Variants in RSU1 observed in about 807,000 individuals in gnomAD.
The protein encoded by RSU1 is rsu-1.
Under a neutral mutation model 31.1 loss-of-function variants are expected in RSU1, and 26 were observed. The ratio of observed to expected loss-of-function variants is 0.84; its 90% CI spans 0.61 to 1.16. The LOEUF is 1.16. Among genes scored for constraint, RSU1 ranks in the 50% most tolerant of loss-of-function variants. The pLI is 0.00. For synonymous variants in RSU1, 164 were observed against 136.3 expected (o/e 1.20, Z -1.41); for missense variants, 320 against 339.1 (o/e 0.94, Z 0.44).
intron 3 of RSU1, among the ~76,000 whole-genome samples, chr10:16,776,357 A>C (rs896551366): frequency 6.6e-5 from 10 of 152,218 alleles, no homozygotes; most frequent in African/African-American, 9.6e-5. Flanking sequence ...TAAAAGTATT[A>C]AATTCTATGT....
At chr10:16,711,181 A>G (rs949107110) in intron 7 of RSU1, among the ~76,000 whole-genome samples, 3 of 152,166 alleles carry the variant, frequency 2.0e-5, no homozygotes, top group Admixed American at 1.3e-4. Context: ...CTTCCATATT[A>G]TCAAATTTGT....
chr10:16,734,911 G>T (rs796530668), intron 7 of RSU1, among the ~76,000 whole-genome samples: 2 of 152,144 alleles, frequency 1.3e-5, no homozygotes, highest in South Asian at 4.1e-4. Context: ...TACAAGAAGG[G>T]CAAAGCTGAA....
intron 7 of RSU1, among the ~76,000 whole-genome samples, chr10:16,713,972 T>C (rs752741605): frequency 6.6e-6 from 1 of 152,220 alleles, no homozygotes; most frequent in South Asian, 2.1e-4. Context: ...ATGTCTGCAA[T>C]TGCCTCAATG....
At position 16,673,439 on chromosome 10, in the gene RSU1, TCTC is replaced by T. The variant is rs1244226639; in HGVS notation, c.731+21581_731+21583del. Among the ~76,000 whole-genome samples, 10 of 152,198 alleles carry T rather than the reference TCTC, an allele frequency of 6.6e-5. No individual in the cohort carries two copies. The East Asian group carries it at 1.7e-3, about 26-fold the overall frequency. On this transcript the variant is annotated intron_variant, in intron 8 of 8. Coordinates refer to ENST00000345264, the MANE Select transcript of RSU1 (RefSeq NM_012425.4). The stretch of plus-strand genomic sequence containing the variant: ...GGAGAAAGAAACAAAATACCAATTT[TCTC>T]CTCAACACTTAATTAACAATGGGAA...
At chr10:16,728,810 C>G (rs1350371869) in intron 7 of RSU1, among the ~76,000 whole-genome samples, 1 of 152,086 alleles carries the variant, frequency 6.6e-6, no homozygotes, top group South Asian at 2.1e-4. Flanking sequence ...GTGGTAGGTT[C>G]TGAGGATGAA....
intron 8 of RSU1, among the ~76,000 whole-genome samples, chr10:16,594,016 A>G (rs765825861): frequency 8.5e-5 from 13 of 152,270 alleles, no homozygotes; most frequent in African/African-American, 1.2e-4. Flanking sequence ...TTAAATGCTG[A>G]CAAAGTGCCC....
intron 8 of RSU1, among the ~76,000 whole-genome samples, chr10:16,660,686 A>T: frequency 9.0e-6 from 1 of 110,546 alleles, no homozygotes; most frequent in African/African-American, 3.6e-5. Flanking sequence ...TCGTTCTGTC[A>T]CTCAGGCTGA....
At chr10:16,594,972 T>C (rs563539523) in intron 8 of RSU1, among the ~76,000 whole-genome samples, 1 of 152,022 alleles carries the variant, frequency 6.6e-6, no homozygotes, top group Admixed American at 6.6e-5. Flanking sequence ...TTAGTAGCAA[T>C]GGGGTTTCAC....
At chr10:16,718,740 G>C (rs1261770700) in intron 7 of RSU1, among the ~76,000 whole-genome samples, 2 of 152,100 alleles carry the variant, frequency 1.3e-5, no homozygotes, top group African/African-American at 4.8e-5. Flanking sequence ...CAGCACTTTG[G>C]GAGGCTGAGG....
intron 7 of RSU1, among the ~76,000 whole-genome samples, chr10:16,696,800 C>T (rs1835684864): frequency 6.6e-6 from 1 of 152,020 alleles, no homozygotes; most frequent in Non-Finnish European, 1.5e-5. Flanking sequence ...CTGAGTATCT[C>T]ACCTGGGTTT....
rs1024411185 is a variant in RSU1, at chr10:16,593,479, A to G, written c.749T>C (p.Met250Thr). The G allele has an allele frequency of 1.9e-6, 3 of 1,614,082 alleles. No individual in the cohort carries two copies. Among genetic ancestry groups the G allele is most frequent in the Non-Finnish European group, 2.5e-6 (3 of 1,179,976 alleles). The change falls in exon 9 of 9, where the codon ATG becomes ACG. Residue 250 changes from methionine to threonine, a missense_variant. Coordinates refer to ENST00000345264, the MANE Select transcript of RSU1 (RefSeq NM_012425.4). The part of the protein sequence containing the change: ...ETYKYLYGRH[M>T]QANPEPPKKN... ...CTTCGGTGGTTCTGGGTTGGCCTGC[A>G]TGTGTCTGCCGTAGAGGCTGCAAAG...
intron 8 of RSU1, among the ~76,000 whole-genome samples, chr10:16,594,392 G>A (rs2131449330): frequency 6.6e-6 from 1 of 151,304 alleles, no homozygotes; most frequent in East Asian, 1.9e-4. Flanking sequence ...GGGCTGTTTA[G>A]CATATACTGG....
intron 5 of RSU1, 46 bp downstream of exon 5, chr10:16,754,825 G>T: frequency 3.4e-6 from 4 of 1,166,466 alleles, no homozygotes; most frequent in Middle Eastern, 2.0e-4. Context: ...CTCTCAGAAC[G>T]CAAAGTACAA....
intron 8 of RSU1, among the ~76,000 whole-genome samples, chr10:16,693,909 G>T (rs1588719117): frequency 6.6e-6 from 1 of 152,018 alleles, no homozygotes; most frequent in Non-Finnish European, 1.5e-5. Flanking sequence ...AAAAGTTGAT[G>T]TCAGACACAA....
At chr10:16,666,726 A>C (rs917102764) in intron 8 of RSU1, among the ~76,000 whole-genome samples, 2 of 152,256 alleles carry the variant, frequency 1.3e-5, no homozygotes, top group African/African-American at 4.8e-5. Flanking sequence ...GGTGGCACAC[A>C]CCTGTAATCT....
chr10:16,626,006 G>C (rs1442246678), intron 8 of RSU1, among the ~76,000 whole-genome samples: 1 of 152,028 alleles, frequency 6.6e-6, no homozygotes, highest in African/African-American at 2.4e-5. Flanking sequence ...GCAAGAGATG[G>C]GATGGGCGCT....
intron 7 of RSU1, among the ~76,000 whole-genome samples, chr10:16,736,975 T>G (rs1347516545): frequency 2.4e-5 from 3 of 125,198 alleles, no homozygotes; most frequent in African/African-American, 6.2e-5. Flanking sequence ...CTGAACTTAA[T>G]GACAGTGCAC....
intron 8 of RSU1, among the ~76,000 whole-genome samples, chr10:16,655,267 G>A (rs1834758399): frequency 6.6e-6 from 1 of 152,090 alleles, no homozygotes; most frequent in Non-Finnish European, 1.5e-5. Flanking sequence ...AAGGGATAAA[G>A]GCAAAACCAC....
chr10:16,774,795 A>G (rs1837494460), intron 3 of RSU1, among the ~76,000 whole-genome samples: 1 of 152,190 alleles, frequency 6.6e-6, no homozygotes, highest in South Asian at 2.1e-4. Context: ...TAAAAAGATC[A>G]GTGACTTAAG....
Sources: allele counts gnomAD v4.1 joint callset (sites outside exome capture counted in the v4.1 genomes callset), GRCh38; gene constraint gnomAD v4.1.1; transcripts MANE v1.5; gene names NCBI Gene and HGNC (gene_info 2026-07-23, HGNC 2026-07-21).